VIRMA: variants seen among roughly 807,000 people sequenced by gnomAD.
VIRMA encodes vir like m6A methyltransferase associated.
VIRMA carries 65 observed loss-of-function variants against 182.4 expected under a neutral mutation model. The ratio of observed to expected loss-of-function variants is 0.36; its 90% CI spans 0.29 to 0.44. VIRMA has a LOEUF of 0.44. VIRMA is among the 20% of genes least tolerant of loss of function. The probability of loss-of-function intolerance (pLI) is 1.00; values close to 1 mark genes in which losing one functional copy is unlikely to be tolerated. For missense variants in VIRMA, 1,752 were observed against 2,158.1 expected (o/e 0.81, Z 3.73); for synonymous variants, 709 against 743.1 (o/e 0.95, Z 0.75).
chr8:94,513,137 A>C (rs1220689436), intron 11 of VIRMA, among the ~76,000 whole-genome samples: 2 of 152,184 alleles, frequency 1.3e-5, no homozygotes, highest in Non-Finnish European at 2.9e-5. Context: ...TGGGAGTTTG[A>C]AAACAGCCTG....
chr8:94,505,728 G>A (rs1323854184), intron 16 of VIRMA, among the ~76,000 whole-genome samples: 1 of 152,074 alleles, frequency 6.6e-6, no homozygotes, highest in African/African-American at 2.4e-5. Flanking sequence ...CTGGGCTCAA[G>A]TGATCCTCCC....
At chr8:94,501,369 A>G (rs1813981988) in intron 16 of VIRMA, among the ~76,000 whole-genome samples, 1 of 151,346 alleles carries the variant, frequency 6.6e-6, no homozygotes, top group African/African-American at 2.4e-5. Context: ...ACCAAACTGA[A>G]GGAGACAGGG....
intron 11 of VIRMA, among the ~76,000 whole-genome samples, 154 bp downstream of exon 11, chr8:94,514,715 T>C (rs552618234): frequency 3.3e-5 from 5 of 152,342 alleles, no homozygotes; most frequent in South Asian, 2.1e-4. Context: ...CGTCCATCTA[T>C]ATGCATATAC....
chr8:94,537,421 T>C (rs1708204337), intron 3 of VIRMA, among the ~76,000 whole-genome samples: 1 of 152,026 alleles, frequency 6.6e-6, no homozygotes, highest in African/African-American at 2.4e-5. Context: ...ACAGCCAGAG[T>C]AGAGAACCAC....
Position 94,543,876 on chromosome 8 carries a change from G to A in VIRMA, c.130C>T (p.Pro44Ser). ...VVYINEVRVIPPGVRAHSSLP... is the reference protein window; with the variant it reads ...VVYINEVRVISPGVRAHSSLP... ...CTGCTATGGGCTCTTACTCCTGGGG[G>A]TATGACTCGGACTTCATTGATATAA... Residue 44 changes from proline (P) to serine (S), a missense_variant, in exon 2 of 24, where the codon CCC (proline) becomes TCC (serine). By Grantham distance (74) the Pro-to-Ser change is moderately conservative. Coordinates refer to ENST00000297591, the MANE Select transcript of VIRMA (RefSeq NM_015496.5). 6.2e-7 allele frequency: 1 copy of A among 1,606,814 alleles called. No individual in the cohort carries two copies. Among genetic ancestry groups the A allele is most frequent in the South Asian group, 1.1e-5 (1 of 90,886 alleles).
intron 2 of VIRMA, 111 bp downstream of exon 2, chr8:94,543,716 G>C: frequency 1.5e-6 from 1 of 651,038 alleles, no homozygotes; most frequent in Non-Finnish European, 2.7e-6. Flanking sequence ...TAATTGAATA[G>C]CTTCAGGATT....
intron 7 of VIRMA, among the ~76,000 whole-genome samples, chr8:94,528,662 T>C (rs1382386154): frequency 2.0e-5 from 3 of 152,240 alleles, no homozygotes; most frequent in Non-Finnish European, 4.4e-5. Flanking sequence ...TTTGCTAAAA[T>C]ATCTAGGTGG....
chr8:94,496,499 AG>A lies in VIRMA; in HGVS notation c.4231-20del, dbSNP rs745306929. ...AGCATCCCTGTAAATGTCACACATA[AG>A]TTAAATTTGAGAACAGAGAAATTTA... is the stretch of plus-strand genomic sequence containing the variant. On this transcript the variant is annotated intron_variant, in intron 17 of 23. Coordinates refer to ENST00000297591, the MANE Select transcript of VIRMA (RefSeq NM_015496.5). 4 of 1,595,290 alleles carry A rather than the reference AG, an allele frequency of 2.5e-6. No homozygotes were observed. The South Asian group carries it at 3.5e-5, about 14-fold the overall frequency.
At position 94,488,550 on chromosome 8, in the gene VIRMA, C is replaced by A; in HGVS notation, c.*156G>T. ...ACAAAGTTTGGATTTTTATTGAAAT[C>A]TTGTTAGGTATCAAACAAATTCTGC... On this transcript the variant is annotated 3_prime_UTR_variant, in exon 24 of 24. Coordinates refer to ENST00000297591, the MANE Select transcript of VIRMA (RefSeq NM_015496.5). The A allele has an allele frequency of 1.7e-6, 1 of 602,890 alleles. No homozygotes were observed. The highest frequency in any genetic ancestry group is 2.7e-6 in the Non-Finnish European group (1 of 368,994). 37.3% of individuals were successfully genotyped at this position (602,890 alleles called of 1,614,324 possible).
At chr8:94,495,059 G>T in intron 19 of VIRMA, 103 bp from the exon 20 acceptor site, 1 of 781,964 alleles carries the variant, frequency 1.3e-6, no homozygotes, top group Non-Finnish European at 2.3e-6. Flanking sequence ...GGAGCGCAGT[G>T]GCACGATCAC....
chr8:94,538,200 T>G (rs1465244975), intron 3 of VIRMA, 60 bp downstream of exon 3: 2 of 1,053,028 alleles, frequency 1.9e-6, no homozygotes, highest in Admixed American at 3.5e-5. Flanking sequence ...AAAGAATCAA[T>G]CAAAAGGTGT....
At chr8:94,537,033 G>A (rs376242369) in intron 4 of VIRMA, 70 bp downstream of exon 4, 41 of 998,208 alleles carry the variant, frequency 4.1e-5, no homozygotes, top group Middle Eastern at 2.1e-4. Context: ...TGATTTATGT[G>A]GATCAAAAAC....
At chr8:94,550,011 C>T (rs1239260319) in intron 1 of VIRMA, among the ~76,000 whole-genome samples, 1 of 151,352 alleles carries the variant, frequency 6.6e-6, no homozygotes, top group Non-Finnish European at 1.5e-5. Flanking sequence ...ATGGAAGGAT[C>T]GATTGAGCCC....
In VIRMA at chr8:94,494,268, CA is replaced by C. The variant is rs764998607; in HGVS notation, c.4641+591del. Among the ~76,000 whole-genome samples, 131 of 151,984 alleles carry C rather than the reference CA, an allele frequency of 8.6e-4. 1 individual carries two copies. The highest frequency in any genetic ancestry group is 5.8e-4 in the East Asian group (3 of 5,170). ...CTAGGAGTGAGACCAGCCTGGGTAA[CA>C]GAGTGAGACTTTATCTATATTAAAA... On this transcript the variant is annotated intron_variant, in intron 20 of 23. Coordinates refer to ENST00000297591, the MANE Select transcript of VIRMA (RefSeq NM_015496.5).
At chr8:94,528,675 G>C in intron 7 of VIRMA, among the ~76,000 whole-genome samples, 1 of 152,160 alleles carries the variant, frequency 6.6e-6, no homozygotes, top group East Asian at 1.9e-4. Context: ...CTAGGTGGCA[G>C]ACATCTTTAG....
chr8:94,529,962 T>A (rs957803776), intron 6 of VIRMA, among the ~76,000 whole-genome samples: 1 of 152,070 alleles, frequency 6.6e-6, no homozygotes, highest in African/African-American at 2.4e-5. Context: ...ATTTTATTTT[T>A]ATTTTTAATA....
intron 4 of VIRMA, among the ~76,000 whole-genome samples, chr8:94,536,031 A>G (rs572932089): frequency 6.6e-6 from 1 of 152,222 alleles, no homozygotes; most frequent in African/African-American, 2.4e-5. Flanking sequence ...AAGAGCCTGC[A>G]TTAGAAACCA....
chr8:94,496,216 A>G (rs1586063806), intron 18 of VIRMA, 112 bp downstream of exon 18: 21 of 899,152 alleles, frequency 2.3e-5, no homozygotes, highest in Non-Finnish European at 2.8e-5. Context: ...GAAATGGTAC[A>G]AACACCCAGC....
chr8:94,518,420 C>T (rs1182472449), intron 9 of VIRMA, among the ~76,000 whole-genome samples: 2 of 152,176 alleles, frequency 1.3e-5, no homozygotes, highest in Non-Finnish European at 2.9e-5. Flanking sequence ...AGATCTGTCA[C>T]TCAAGGAGTT....
Sources: allele counts gnomAD v4.1 joint callset (sites outside exome capture counted in the v4.1 genomes callset), GRCh38; gene constraint gnomAD v4.1.1; transcripts MANE v1.5; gene names NCBI Gene and HGNC (gene_info 2026-07-23, HGNC 2026-07-21).